WDR4: variants seen among roughly 807,000 people sequenced by gnomAD.
WDR4 encodes the protein WDR4 tRNA N7-guanosine methyltransferase non-catalytic subunit, also known as tRNA (guanine-N(7)-)-methyltransferase non-catalytic subunit WDR4.
Under a neutral mutation model 48.6 loss-of-function variants are expected in WDR4, and 47 were observed. The observed-to-expected ratio is 0.97, with a 90% confidence interval of 0.77 to 1.23. The LOEUF (loss-of-function observed/expected upper bound fraction) is 1.23. Ranked by LOEUF, WDR4 falls within the 50% of genes most tolerant of loss-of-function variation. WDR4 has a pLI of 0.00. For synonymous variants in WDR4, 268 were observed against 230.0 expected, an observed-to-expected ratio of 1.17 and a Z score of -1.49; for missense variants, 606 against 551.6, an observed-to-expected ratio of 1.10 and a Z score of -0.99.
intron 6 of WDR4, among the ~76,000 whole-genome samples, chr21:42,858,547 TC>T (rs1313495851): frequency 6.6e-6 from 1 of 152,196 alleles, no homozygotes; most frequent in African/African-American, 2.4e-5. Context: ...ACACTGACCC[TC>T]CTCGCGCCTT....
At chr21:42,876,192 A>G (rs1377641017) in intron 2 of WDR4, among the ~76,000 whole-genome samples, 2 of 144,664 alleles carry the variant, frequency 1.4e-5, no homozygotes, top group East Asian at 3.9e-4. Context: ...GGCATGAGCC[A>G]CCGCACCCGG....
At chr21:42,887,237 C>T in the WDR4 span, among the ~76,000 whole-genome samples, 1 of 152,044 alleles carries the variant, frequency 6.6e-6, no homozygotes, top group Non-Finnish European at 1.5e-5. Flanking sequence ...GGTGATCCGC[C>T]CACCTTGGCC....
intron 5 of WDR4, among the ~76,000 whole-genome samples, chr21:42,861,326 A>AG (rs1265876003): frequency 4.5e-4 from 3 of 6,712 alleles, no homozygotes; most frequent in African/African-American, 6.5e-4. Flanking sequence ...AAAGGAAGGG[A>AG]GGGGAAGGGT....
chr21:42,846,841 G>A (rs2057714961), downstream of WDR4, among the ~76,000 whole-genome samples: 1 of 152,136 alleles, frequency 6.6e-6, no homozygotes, highest in African/African-American at 2.4e-5. Context: ...GGCAAACATG[G>A]CAAAACCCCA....
At chr21:42,859,349 ACT>A in intron 6 of WDR4, among the ~76,000 whole-genome samples, 1 of 152,198 alleles carries the variant, frequency 6.6e-6, no homozygotes, top group South Asian at 2.1e-4. Flanking sequence ...GCCCCCGTCT[ACT>A]GTTTCTACCT....
chr21:42,855,716 C>T lies in WDR4; in HGVS notation c.692G>A (p.Ser231Asn). ...GRQLHCCHLA[S>N]LQELVDPQAP... ...CTGGGGGTCCACCAGCTCCTGCAGA[C>T]TGGCCAGGTGACAGCAGTGCAGCTG... Residue 231 changes from serine (S) to asparagine (N), a missense_variant, in exon 7 of 11, where the codon AGT (serine) becomes AAT (asparagine). Transcript: ENST00000398208. 3 of 1,555,482 alleles carry T rather than the reference C, an allele frequency of 1.9e-6. No individual in the cohort carries two copies. The highest frequency in any genetic ancestry group is 1.2e-5 in the South Asian group (1 of 84,344).
At chr21:42,891,046 A>G in the WDR4 span, among the ~76,000 whole-genome samples, 1 of 152,116 alleles carries the variant, frequency 6.6e-6, no homozygotes, top group Admixed American at 6.6e-5. Context: ...AAGATGGCTA[A>G]GCATAGTGGC....
At chr21:42,867,124 C>T (rs2058263721) in intron 3 of WDR4, among the ~76,000 whole-genome samples, 1 of 152,238 alleles carries the variant, frequency 6.6e-6, no homozygotes, top group South Asian at 2.1e-4. Context: ...GGCGCAGTGG[C>T]TCACGCCTCT....
At chr21:42,850,898 T>TGGCCAGGAAACCACAGGCCC (rs2057807936) in intron 10 of WDR4, among the ~76,000 whole-genome samples, 1 of 152,198 alleles carries the variant, frequency 6.6e-6, no homozygotes, top group South Asian at 2.1e-4. Flanking sequence ...AGCCTCAGCC[T>TGGCCAGGAAACCACAGGCCC]GGCCAGGAAA....
At chr21:42,868,959 G>C (rs903071909) in intron 3 of WDR4, among the ~76,000 whole-genome samples, 1 of 152,240 alleles carries the variant, frequency 6.6e-6, no homozygotes, top group East Asian at 1.9e-4. Flanking sequence ...TGCAAACAAT[G>C]TAACAACTCA....
chr21:42,875,358 T>C (rs1016911283), intron 2 of WDR4, among the ~76,000 whole-genome samples: 8 of 152,118 alleles, frequency 5.3e-5, no homozygotes, highest in African/African-American at 1.9e-4. Context: ...GAGACCATCC[T>C]GGCCAACATG....
chr21:42,887,657 C>T, the WDR4 span, among the ~76,000 whole-genome samples: 2 of 152,210 alleles, frequency 1.3e-5, no homozygotes, highest in Non-Finnish European at 2.9e-5. Flanking sequence ...ATTTACGTTT[C>T]TCTCAACTGT....
At chr21:42,875,916 C>CTTTT (rs71194083) in intron 2 of WDR4, among the ~76,000 whole-genome samples, 3,082 of 104,812 alleles carry the variant, frequency 0.029, 204 homozygotes, top group South Asian at 0.086. Context: ...TAACACTGTG[C>CTTTT]TTTTTTTTTT....
At chr21:42,885,544 G>C in the WDR4 span, among the ~76,000 whole-genome samples, 1 of 152,078 alleles carries the variant, frequency 6.6e-6, no homozygotes, top group East Asian at 1.9e-4. Flanking sequence ...AGGAGGCAGA[G>C]GTTGCAGTGA....
intron 9 of WDR4, 72 bp from the exon 10 acceptor site, chr21:42,852,396 A>G: frequency 6.5e-7 from 1 of 1,530,188 alleles, no homozygotes; most frequent in Non-Finnish European, 9.0e-7. Context: ...GACGCAACAC[A>G]TGCTGGCCAG....
chr21:42,865,409 A>AG lies in WDR4; in HGVS notation c.297-1814dup, dbSNP rs1297611026. On this transcript the variant is annotated intron_variant, in intron 3 of 10. Coordinates refer to ENST00000398208, the MANE Select transcript of WDR4 (RefSeq NM_018669.6). The stretch of plus-strand genomic sequence containing the variant: ...AGCAGCCCAAGAGGATGCCACAGGG[A>AG]GGGGGGATGGACTTGGACTCACAGG... Among the ~76,000 whole-genome samples, 4 of 152,070 alleles carry AG rather than the reference A, an allele frequency of 2.6e-5. No homozygotes were observed. The South Asian group carries it at 8.3e-4, about 32-fold the overall frequency.
At chr21:42,876,302 C>T (rs1422558672) in intron 2 of WDR4, among the ~76,000 whole-genome samples, 4 of 148,286 alleles carry the variant, frequency 2.7e-5, no homozygotes, top group South Asian at 2.1e-4. Context: ...CAACCTCCGC[C>T]TCCCAGGTTC....
At position 42,854,576 on chromosome 21, in the gene WDR4, C is replaced by G; in HGVS notation, c.777G>C (p.Ala259=). ...CCGCAGCTTACCCGTCGCACAGGAG[C>G]GCCACGCAGTTCTCCTGGCACCAGA... ...IAFWCQENCV[A]LLCDGTPVVY... Residue 259 remains alanine, a synonymous_variant, in exon 8 of 11, where the codon GCG becomes GCC. Coordinates refer to ENST00000398208, the MANE Select transcript of WDR4 (RefSeq NM_018669.6). 1 of 1,613,676 alleles carries G rather than the reference C, an allele frequency of 6.2e-7. No individual in the cohort carries two copies. Among genetic ancestry groups the G allele is most frequent in the Non-Finnish European group, 8.5e-7 (1 of 1,179,878 alleles).
chr21:42,854,319 G>A (rs891540197), intron 8 of WDR4, among the ~76,000 whole-genome samples: 1 of 152,234 alleles, frequency 6.6e-6, no homozygotes. Flanking sequence ...GCCAGGCAGA[G>A]GCTGCTGGTG....
Sources: gnomAD v4.1 joint callset for allele counts (sites outside exome capture counted in the v4.1 genomes callset) on GRCh38, gnomAD v4.1.1 for gene constraint, MANE v1.5 for transcripts, NCBI Gene and HGNC (gene_info 2026-07-23, HGNC 2026-07-21) for gene names.